Variants in FAM174B observed in about 807,000 individuals in gnomAD.
The protein encoded by FAM174B is membrane protein FAM174B.
Under a neutral mutation model 10.9 loss-of-function variants are expected in FAM174B, and 12 were observed. The observed-to-expected ratio is 1.10, with a 90% confidence interval of 0.71 to 1.79. The LOEUF (loss-of-function observed/expected upper bound fraction) is 1.79, where lower values mean the gene tolerates loss of function less well. Ranked by LOEUF, FAM174B falls within the 40% of genes most tolerant of loss-of-function variation. The pLI is 0.00. For missense variants in FAM174B, 266 were observed against 233.3 expected, an observed-to-expected ratio of 1.14 and a Z score of -0.91; for synonymous variants, 132 against 115.8, an observed-to-expected ratio of 1.14 and a Z score of -0.90.
chr15:92,640,510 C>T (rs2050883448), intron 1 of FAM174B, among the ~76,000 whole-genome samples: 1 of 118,980 alleles, frequency 8.4e-6, no homozygotes, highest in Non-Finnish European at 1.6e-5. Context: ...GGAGATCGTG[C>T]CACTGCACTA....
intron 1 of FAM174B, among the ~76,000 whole-genome samples, chr15:92,648,792 A>G (rs2050945742): frequency 6.6e-6 from 1 of 152,188 alleles, no homozygotes; most frequent in East Asian, 1.9e-4. Flanking sequence ...GCCCGTGAGA[A>G]AGGGTTTCCT....
intron 2 of FAM174B, among the ~76,000 whole-genome samples, chr15:92,627,691 T>C (rs1035847734): frequency 1.3e-5 from 2 of 152,214 alleles, no homozygotes; most frequent in East Asian, 1.9e-4. Context: ...CAAAGATTGA[T>C]GAGACGCTGT....
Position 92,655,226 on chromosome 15 carries a change from G to T in FAM174B, c.344+90C>A, listed in dbSNP as rs547102260. ...GGCTGGGGCGCACCAGGGCACCTGTGCGTGCAGGTGGGGCGGGCGCGCGGC... is the reference window on the plus strand; with the variant it reads ...GGCTGGGGCGCACCAGGGCACCTGTTCGTGCAGGTGGGGCGGGCGCGCGGC... On this transcript the variant is annotated intron_variant, in intron 1 of 2. Transcript: ENST00000327355. The T allele has an allele frequency of 4.7e-4, 674 of 1,436,934 alleles. 2 individuals carry two copies. The African/African-American group carries it at 9.3e-3, about 20-fold the overall frequency. 89.0% of individuals were successfully genotyped at this position (1,436,934 alleles called of 1,614,324 possible). A position where few individuals can be genotyped will look rare whatever the true frequency, so the allele number is the denominator to read the frequency against.
chr15:92,655,289 G>A (rs555681253), intron 1 of FAM174B, 27 bp downstream of exon 1: 10 of 1,514,462 alleles, frequency 6.6e-6, no homozygotes, highest in African/African-American at 1.4e-5. Context: ...CGGCCGGCGG[G>A]GGAAGGAAGA....
rs1214981132 is a variant in FAM174B, at chr15:92,617,843, T to G, written c.*1613A>C. The stretch of plus-strand genomic sequence containing the variant: ...AGGAAAGTCAACAAAGAAGGTGAAA[T>G]GCAGGGAGCAGAGACTACACGCAGG... On this transcript the variant is annotated 3_prime_UTR_variant, in exon 3 of 3. Coordinates refer to ENST00000327355, the MANE Select transcript of FAM174B (RefSeq NM_207446.3). 4.1e-6 allele frequency: 2 copies of G among 487,396 alleles called. No individual in the cohort carries two copies. Among genetic ancestry groups the G allele is most frequent in the Non-Finnish European group, 3.6e-6 (1 of 278,216 alleles). 30.2% of individuals were successfully genotyped at this position (487,396 alleles called of 1,614,324 possible).
At chr15:92,622,059 G>A (rs1221849172) in intron 2 of FAM174B, among the ~76,000 whole-genome samples, 1 of 152,310 alleles carries the variant, frequency 6.6e-6, no homozygotes, top group Non-Finnish European at 1.5e-5. Flanking sequence ...GCAGGCCTGC[G>A]GGCTCTGGGG....
intron 1 of FAM174B, among the ~76,000 whole-genome samples, chr15:92,648,069 T>C (rs1163895578): frequency 6.6e-6 from 1 of 152,232 alleles, no homozygotes; most frequent in East Asian, 1.9e-4. Flanking sequence ...CTATGGTCTA[T>C]AAGCCCCACT....
At position 92,631,396 on chromosome 15, in the gene FAM174B, T is replaced by A. The variant is rs1260259234; in HGVS notation, c.345-1051A>T. Among the ~76,000 whole-genome samples the A allele has an allele frequency of 7.7e-4, 17 of 22,154 alleles. 2 individuals are homozygous for A. Among genetic ancestry groups the A allele is most frequent in the African/African-American group, 1.9e-3 (7 of 3,672 alleles). The allele number at this position is 22,154 out of a possible 152,430, so 14.5% of individuals were successfully genotyped here. On this transcript the variant is annotated intron_variant, in intron 1 of 2. Coordinates refer to ENST00000327355, the MANE Select transcript of FAM174B (RefSeq NM_207446.3). ...ATATAATATATTATATATTATATAT[T>A]ATATTATATTATATATAATATATAA... is the stretch of plus-strand genomic sequence containing the variant.
intron 2 of FAM174B, among the ~76,000 whole-genome samples, chr15:92,621,149 G>C (rs963717426): frequency 2.0e-5 from 3 of 152,138 alleles, no homozygotes; most frequent in Non-Finnish European, 4.4e-5. Flanking sequence ...TAATGGTTTA[G>C]TAAAAACCAT....
chr15:92,646,024 C>T (rs1464767649), intron 1 of FAM174B, among the ~76,000 whole-genome samples: 1 of 150,356 alleles, frequency 6.7e-6, no homozygotes, highest in African/African-American at 2.4e-5. Context: ...CTTCACAATG[C>T]CCCCCTTCTC....
chr15:92,622,698 T>C (rs903443005), intron 2 of FAM174B, among the ~76,000 whole-genome samples: 1 of 152,230 alleles, frequency 6.6e-6, no homozygotes, highest in African/African-American at 2.4e-5. Flanking sequence ...TACTTCTCCC[T>C]GGAATGCCCT....
At chr15:92,654,378 C>T (rs748340821) in intron 1 of FAM174B, among the ~76,000 whole-genome samples, 6 of 152,248 alleles carry the variant, frequency 3.9e-5, no homozygotes, top group Admixed American at 2.6e-4. Flanking sequence ...GACTTCCAGG[C>T]GGGCCTCAGT....
intron 1 of FAM174B, among the ~76,000 whole-genome samples, chr15:92,647,834 G>C (rs559756692): frequency 6.6e-6 from 1 of 152,208 alleles, no homozygotes; most frequent in East Asian, 1.9e-4. Context: ...GGTGGATCTA[G>C]GAGAGATTAA....
At chr15:92,621,038 T>A (rs2050716080) in intron 2 of FAM174B, among the ~76,000 whole-genome samples, 1 of 152,116 alleles carries the variant, frequency 6.6e-6, no homozygotes, top group South Asian at 2.1e-4. Context: ...TATATTACCA[T>A]AACAGGTAGC....
At chr15:92,644,257 A>G (rs2050911172) in intron 1 of FAM174B, among the ~76,000 whole-genome samples, 1 of 151,914 alleles carries the variant, frequency 6.6e-6, no homozygotes, top group South Asian at 2.1e-4. Context: ...CACATTCCCA[A>G]TAACCAGCCT....
chr15:92,635,640 G>A (rs966734900), intron 1 of FAM174B, among the ~76,000 whole-genome samples: 4 of 150,908 alleles, frequency 2.7e-5, no homozygotes, highest in Non-Finnish European at 4.4e-5. Context: ...GAGTGCAGTG[G>A]CACAATCTTG....
chr15:92,620,377 A>C (rs2141946017), intron 2 of FAM174B, among the ~76,000 whole-genome samples: 1 of 152,338 alleles, frequency 6.6e-6, no homozygotes, highest in East Asian at 1.9e-4. Context: ...GGGTGCCTGT[A>C]GTCCCGGCTA....
chr15:92,622,380 C>T (rs2050725644), intron 2 of FAM174B, among the ~76,000 whole-genome samples: 1 of 152,238 alleles, frequency 6.6e-6, no homozygotes, highest in African/African-American at 2.4e-5. Flanking sequence ...CTCTGGGTCT[C>T]TCCAGGAGGT....
intron 1 of FAM174B, among the ~76,000 whole-genome samples, chr15:92,651,479 G>C (rs1299811442): frequency 6.6e-6 from 1 of 152,174 alleles, no homozygotes; most frequent in African/African-American, 2.4e-5. Flanking sequence ...CACATGCACA[G>C]ACACACAGAT....
Sources: allele counts gnomAD v4.1 joint callset (sites outside exome capture counted in the v4.1 genomes callset), GRCh38; gene constraint gnomAD v4.1.1; transcripts MANE v1.5; gene names NCBI Gene and HGNC (gene_info 2026-07-23, HGNC 2026-07-21).